Variants in THSD7B observed in about 807,000 individuals in gnomAD.
THSD7B encodes thrombospondin type-1 domain-containing protein 7B.
A neutral mutation model predicts 213.6 loss-of-function variants in THSD7B; 138 were observed. The ratio of observed to expected loss-of-function variants is 0.65; its 90% confidence interval spans 0.56 to 0.74. The LOEUF is 0.74. Among genes scored for constraint, THSD7B ranks in the 30% least tolerant of loss-of-function variants. The pLI, the probability that THSD7B is intolerant of heterozygous loss-of-function variation, is 0.00. For missense variants in THSD7B, 1,931 were observed against 1,991.5 expected (o/e 0.97, Z 0.58); for synonymous variants, 742 against 687.0 (o/e 1.08, Z -1.25).
At chr2:137,492,810 T>G (rs1679451119) in intron 15 of THSD7B, among the ~76,000 whole-genome samples, 1 of 152,102 alleles carries the variant, frequency 6.6e-6, no homozygotes, top group Admixed American at 6.6e-5. Context: ...TTTCAAGTAT[T>G]ATTAGCAATA....
intron 3 of THSD7B, among the ~76,000 whole-genome samples, chr2:137,064,159 C>G (rs138061616): frequency 0.011 from 1,712 of 152,092 alleles, 18 homozygotes; most frequent in Non-Finnish European, 0.015. Flanking sequence ...CACATCCTCA[C>G]CAGCATTTGT....
At chr2:137,260,214 T>C (rs1682409677) in intron 10 of THSD7B, among the ~76,000 whole-genome samples, 1 of 152,238 alleles carries the variant, frequency 6.6e-6, no homozygotes, top group Admixed American at 6.5e-5. Context: ...TATTTATTAA[T>C]AATTTAAGAG....
intron 1 of THSD7B, among the ~76,000 whole-genome samples, chr2:136,876,387 A>G (rs1028741761): frequency 2.6e-5 from 4 of 152,204 alleles, no homozygotes; most frequent in Non-Finnish European, 4.4e-5. Flanking sequence ...TCAATGGCAT[A>G]TATAATTGGC....
chr2:137,540,050 A>C (rs1680582168), intron 15 of THSD7B, among the ~76,000 whole-genome samples: 1 of 151,756 alleles, frequency 6.6e-6, no homozygotes, highest in South Asian at 2.1e-4. Context: ...TGTCTTATCT[A>C]AAAATGAAGT....
At chr2:136,795,225 C>G (rs996386599) in intron 1 of THSD7B, among the ~76,000 whole-genome samples, 1 of 151,896 alleles carries the variant, frequency 6.6e-6, no homozygotes, top group African/African-American at 2.4e-5. Context: ...GGCTGTATTT[C>G]TTTTGGAGTG....
At chr2:137,065,414 C>T (rs551532186) in intron 3 of THSD7B, among the ~76,000 whole-genome samples, 12 of 151,686 alleles carry the variant, frequency 7.9e-5, no homozygotes, top group South Asian at 2.1e-4. Flanking sequence ...TGGATTTTTT[C>T]GGTTTTTCCA....
intron 7 of THSD7B, among the ~76,000 whole-genome samples, chr2:137,185,429 G>T (rs939731992): frequency 6.6e-6 from 1 of 151,964 alleles, no homozygotes; most frequent in Non-Finnish European, 1.5e-5. Flanking sequence ...AGTATCTATT[G>T]TTCTCATATT....
intron 20 of THSD7B, among the ~76,000 whole-genome samples, chr2:137,629,562 A>G (rs1372408614): frequency 6.6e-6 from 1 of 152,226 alleles, no homozygotes; most frequent in East Asian, 1.9e-4. Context: ...CTAGGCAACT[A>G]TAGTCTGAGC....
At chr2:137,071,486 A>G (rs1171262593) in intron 3 of THSD7B, among the ~76,000 whole-genome samples, 1 of 151,778 alleles carries the variant, frequency 6.6e-6, no homozygotes, top group Non-Finnish European at 1.5e-5. Flanking sequence ...GATTGCAAAA[A>G]TTTTCTCCCA....
chr2:137,643,358 A>T (rs1034439897), intron 21 of THSD7B, among the ~76,000 whole-genome samples: 10 of 152,198 alleles, frequency 6.6e-5, no homozygotes, highest in Non-Finnish European at 1.3e-4. Context: ...TTGATTATGC[A>T]TTAAGAAATC....
intron 1 of THSD7B, among the ~76,000 whole-genome samples, chr2:136,829,916 C>T (rs541843157): frequency 1.3e-5 from 2 of 152,100 alleles, no homozygotes; most frequent in African/African-American, 4.8e-5. Context: ...TATCCTTTCC[C>T]TCTTGCCTCT....
chr2:137,662,957 C>G (rs1435223279), intron 25 of THSD7B, among the ~76,000 whole-genome samples: 1 of 151,400 alleles, frequency 6.6e-6, no homozygotes, highest in Non-Finnish European at 1.5e-5. Context: ...CCCAGCTACT[C>G]GGAAGGCTGA....
intron 1 of THSD7B, among the ~76,000 whole-genome samples, chr2:136,767,596 T>A (rs897717235): frequency 6.6e-6 from 1 of 152,174 alleles, no homozygotes; most frequent in Non-Finnish European, 1.5e-5. Flanking sequence ...CTTCTGACAC[T>A]GTAACAATAT....
chr2:137,412,364 G>A (rs1163284750), intron 14 of THSD7B, among the ~76,000 whole-genome samples: 2 of 151,978 alleles, frequency 1.3e-5, no homozygotes, highest in Non-Finnish European at 2.9e-5. Context: ...ACTTTGAGAG[G>A]CCGAGGCAGG....
chr2:137,434,465 G>A (rs1161123128), intron 14 of THSD7B, among the ~76,000 whole-genome samples: 1 of 152,132 alleles, frequency 6.6e-6, no homozygotes, highest in Non-Finnish European at 1.5e-5. Context: ...ACCCCGTATG[G>A]CACTGTGCCC....
chr2:136,918,665 C>T (rs145986562), intron 2 of THSD7B, among the ~76,000 whole-genome samples: 1 of 152,180 alleles, frequency 6.6e-6, no homozygotes, highest in Non-Finnish European at 1.5e-5. Context: ...CTTTGTTATT[C>T]TTCTCCGTGA....
At chr2:137,020,780 T>C (rs1296485593) in intron 2 of THSD7B, among the ~76,000 whole-genome samples, 1 of 152,174 alleles carries the variant, frequency 6.6e-6, no homozygotes, top group African/African-American at 2.4e-5. Context: ...GAGCAGGGCA[T>C]CGACTTTTTT....
intron 2 of THSD7B, among the ~76,000 whole-genome samples, chr2:136,883,372 C>T (rs1434470629): frequency 6.6e-6 from 1 of 150,694 alleles, no homozygotes; most frequent in Non-Finnish European, 1.5e-5. Context: ...ATTAGAGATA[C>T]AGTCTGGATG....
At chr2:137,469,402 T>C (rs1176232975) in intron 15 of THSD7B, among the ~76,000 whole-genome samples, 1 of 152,222 alleles carries the variant, frequency 6.6e-6, no homozygotes, top group African/African-American at 2.4e-5. Context: ...TAATGCACAT[T>C]ATTCAGAACA....
Sources: allele counts gnomAD v4.1 joint callset (sites outside exome capture counted in the v4.1 genomes callset), GRCh38; gene constraint gnomAD v4.1.1; transcripts MANE v1.5; gene names NCBI Gene and HGNC (gene_info 2026-07-23, HGNC 2026-07-21).